MPRIP: variants seen among roughly 807,000 people sequenced by gnomAD.
MPRIP encodes myosin phosphatase Rho-interacting protein.
MPRIP carries 59 observed loss-of-function variants against 234.9 expected under a neutral mutation model. The observed-to-expected ratio is 0.25, with a 90% confidence interval of 0.20 to 0.31. The LOEUF is 0.31. Among genes scored for constraint, MPRIP ranks in the 10% least tolerant of loss-of-function variants. MPRIP has a pLI of 1.00. For synonymous variants in MPRIP, 1,144 were observed against 1,263.9 expected, an observed-to-expected ratio of 0.91 and a Z score of 2.01; for missense variants, 2,436 against 3,071.0, an observed-to-expected ratio of 0.79 and a Z score of 4.89.
Position 17,078,177 on chromosome 17 carries a change from C to T in MPRIP, c.267+101C>T, listed in dbSNP as rs1265942228. On this transcript the variant is annotated intron_variant, in intron 3 of 23. Transcript: ENST00000651222. The surrounding 1 kb of genome is among the most constrained non-coding windows in gnomAD (Gnocchi z 4.3). The stretch of plus-strand genomic sequence containing the variant: ...TGTGAGAGCACAGCAGCCATGTGCT[C>T]CTGCTTGTGTCTGTTTGGGAGTGTG... 3 of 1,236,744 alleles carry T rather than the reference C, an allele frequency of 2.4e-6. No homozygotes were observed. The highest frequency in any genetic ancestry group is 1.5e-5 in the African/African-American group (1 of 67,502). 76.6% of individuals were successfully genotyped at this position (1,236,744 alleles called of 1,614,324 possible). A position where few individuals can be genotyped will look rare whatever the true frequency, so the allele number is the denominator to read the frequency against.
chr17:17,101,538 C>G (rs2089960936), intron 3 of MPRIP, among the ~76,000 whole-genome samples: 1 of 152,150 alleles, frequency 6.6e-6, no homozygotes, highest in Non-Finnish European at 1.5e-5. Context: ...CCACTGCACT[C>G]CAGCCTGGGC....
Position 17,042,956 on chromosome 17 carries a change from C to T in MPRIP, c.108C>T (p.Asp36=), listed in dbSNP as rs1364958491. Residue 36 remains aspartate, a synonymous_variant, in exon 1 of 24, where the codon GAC becomes GAT. Transcript: ENST00000651222. ...CCCGCGAGTCGCATCTGCTCAACGA[C>T]GAGGACCTGACGCAGGTGAGCGACT... ...FKPRESHLLN[D]EDLTQAKPIY... 2 of 1,610,710 alleles carry T rather than the reference C, an allele frequency of 1.2e-6. No individual in the cohort carries two copies. Among genetic ancestry groups the T allele is most frequent in the African/African-American group, 2.7e-5 (2 of 74,814 alleles).
intron 22 of MPRIP, 100 bp downstream of exon 22, chr17:17,177,512 A>T: frequency 1.5e-6 from 2 of 1,336,604 alleles, no homozygotes; most frequent in South Asian, 1.4e-5. Flanking sequence ...GAAGAGTCCC[A>T]GTGATGCTTG....
At chr17:17,045,061 C>A (rs2088301744) in intron 1 of MPRIP, among the ~76,000 whole-genome samples, 1 of 152,168 alleles carries the variant, frequency 6.6e-6, no homozygotes, top group African/African-American at 2.4e-5. Context: ...CCTTATGGCT[C>A]CATTAGAAAA....
At position 17,146,083 on chromosome 17, in the gene MPRIP, G is replaced by C; in HGVS notation, c.1551G>C (p.Glu517Asp). The change falls in exon 10 of 24, where the codon GAG becomes GAC. Residue 517 changes from glutamate to aspartate, a missense_variant. By Grantham distance (45) the Glu-to-Asp change is conservative. This residue lies in a region of MPRIP where 1,998 missense variants were observed against 2,520.3 expected (regional missense o/e 0.79). Coordinates refer to ENST00000651222, the MANE Select transcript of MPRIP (RefSeq NM_001364716.4). Reference sequence around the variant, plus strand: ...AAGGCTGGCTGACTAAGCAGTATGAGGACGGCCAGGTGAGTGTGCAGGGTT... The same window carrying C: ...AAGGCTGGCTGACTAAGCAGTATGACGACGGCCAGGTGAGTGTGCAGGGTT... Reference protein sequence around the residue: ...FKKGWLTKQYEDGQWKKHWFV... With the variant: ...FKKGWLTKQYDDGQWKKHWFV... The C allele has an allele frequency of 6.2e-7, 1 of 1,614,028 alleles. No individual in the cohort carries two copies. The highest frequency in any genetic ancestry group is 2.2e-5 in the East Asian group (1 of 44,892).
intron 1 of MPRIP, among the ~76,000 whole-genome samples, chr17:17,059,833 T>G (rs1396607336): frequency 1.3e-5 from 2 of 152,178 alleles, no homozygotes; most frequent in African/African-American, 4.8e-5. Context: ...CCAATTGCAG[T>G]CTGCAGGGTC....
intron 1 of MPRIP, among the ~76,000 whole-genome samples, chr17:17,060,998 C>T (rs960119700): frequency 3.3e-5 from 5 of 152,188 alleles, no homozygotes; most frequent in African/African-American, 9.7e-5. Flanking sequence ...CAGTGTTCGT[C>T]GGCCCTGGCA....
chr17:17,127,583 G>A (rs574896639), intron 4 of MPRIP, among the ~76,000 whole-genome samples: 11 of 152,238 alleles, frequency 7.2e-5, no homozygotes, highest in Non-Finnish European at 1.2e-4. Context: ...TACATAGTCC[G>A]TGCAGGTGAA....
chr17:17,080,709 A>G (rs920095382), intron 3 of MPRIP, among the ~76,000 whole-genome samples: 1 of 152,260 alleles, frequency 6.6e-6, no homozygotes, highest in Non-Finnish European at 1.5e-5. Context: ...GCCAAGGCCA[A>G]GAAACTGAGC....
chr17:17,096,215 C>A (rs1013724850), intron 3 of MPRIP, among the ~76,000 whole-genome samples: 1 of 148,978 alleles, frequency 6.7e-6, no homozygotes, highest in African/African-American at 2.5e-5. Flanking sequence ...CCCACACTGT[C>A]CCCTGTGTGG....
At chr17:17,135,330 T>G (rs915371639) in intron 5 of MPRIP, among the ~76,000 whole-genome samples, 2 of 152,228 alleles carry the variant, frequency 1.3e-5, no homozygotes, top group African/African-American at 4.8e-5. Flanking sequence ...GATTGACACC[T>G]TTTCCATCTG....
At chr17:17,103,038 G>A (rs947364795) in intron 3 of MPRIP, among the ~76,000 whole-genome samples, 28 of 152,300 alleles carry the variant, frequency 1.8e-4, no homozygotes, top group Non-Finnish European at 1.5e-4. Context: ...GAAGACTCAT[G>A]TGTGCCAGCC....
At position 17,143,731 on chromosome 17, in the gene MPRIP, GCTGT is replaced by G. The variant is rs976652577; in HGVS notation, c.1503+67_1503+70del. On this transcript the variant is annotated intron_variant, in intron 9 of 23. Transcript: ENST00000651222. ...CCTCTGCTTCTGGTCACTCTGAGGC[GCTGT>G]CTGTTTCTGTCTATGCGTCCATGCC... 25 of 1,169,822 alleles carry G rather than the reference GCTGT, an allele frequency of 2.1e-5. No individual in the cohort carries two copies. The African/African-American group carries it at 3.1e-4, about 15-fold the overall frequency. The allele number at this position is 1,169,822 out of a possible 1,614,324, so 72.5% of individuals were successfully genotyped here.
At chr17:17,099,967 A>G (rs560691473) in intron 3 of MPRIP, among the ~76,000 whole-genome samples, 1 of 152,344 alleles carries the variant, frequency 6.6e-6, no homozygotes, top group East Asian at 1.9e-4. Flanking sequence ...CAGATGGGAC[A>G]TCTCCACCTG....
chr17:17,110,005 T>C (rs1567720841), intron 3 of MPRIP, among the ~76,000 whole-genome samples: 1 of 152,184 alleles, frequency 6.6e-6, no homozygotes, highest in Non-Finnish European at 1.5e-5. Flanking sequence ...TTCCCCAGTG[T>C]TGGAGGTGGG....
chr17:17,163,928 T>TAAA (rs370017367), intron 15 of MPRIP, among the ~76,000 whole-genome samples, 181 bp from the exon 16 acceptor site: 6 of 129,414 alleles, frequency 4.6e-5, no homozygotes, highest in South Asian at 2.5e-4. Flanking sequence ...AGCTACTTAC[T>TAAA]AAAAAAAAAA....
rs1441973531 is a variant in MPRIP at position 17,186,716 on chromosome 17, A to G, written c.*1822A>G. ...CCTGGGTGACAAAGCAAGGCCCCAT[A>G]TCAGATATAGATATACTTATCAGAC... On this transcript the variant is annotated 3_prime_UTR_variant, in exon 24 of 24. Transcript: ENST00000651222. 3 of 152,342 alleles carry G rather than the reference A, an allele frequency of 2.0e-5. No individual in the cohort carries two copies. The highest frequency in any genetic ancestry group is 6.5e-5 in the Admixed American group (1 of 15,290). The allele number at this position is 152,342 out of a possible 1,614,324, so 9.4% of individuals were successfully genotyped here. A position where few individuals can be genotyped will look rare whatever the true frequency, so the allele number is the denominator to read the frequency against.
At chr17:17,049,846 A>G (rs575223423) in intron 1 of MPRIP, among the ~76,000 whole-genome samples, 18 of 152,334 alleles carry the variant, frequency 1.2e-4, no homozygotes, top group African/African-American at 3.6e-4. Context: ...TAGAACTGTA[A>G]TGGAAGCCAC....
chr17:17,147,259 G>T (rs3744134), intron 10 of MPRIP, 60 bp from the exon 11 acceptor site: 4 of 1,530,748 alleles, frequency 2.6e-6, no homozygotes, highest in Non-Finnish European at 3.6e-6. Context: ...CCGCCGTGGC[G>T]TGGCAGGCAT....
Sources: gnomAD v4.1 joint callset for allele counts (sites outside exome capture counted in the v4.1 genomes callset) on GRCh38, gnomAD v4.1.1 for gene constraint, gnomAD v4.1.1 regional missense constraint, Gnocchi (gnomAD v3.1) non-coding constraint, MANE v1.5 for transcripts, NCBI Gene and HGNC (gene_info 2026-07-23, HGNC 2026-07-21) for gene names.